The following PBX1 variants were observed in gnomAD, a reference collection of about 807,000 sequenced individuals.
The protein encoded by PBX1 is PBX homeobox 1.
PBX1 carries 6 observed loss-of-function variants against 53.4 expected under a neutral mutation model. That is an observed-to-expected ratio of 0.11 (90% CI 0.06 to 0.22). The LOEUF (loss-of-function observed/expected upper bound fraction) is 0.22, where lower values mean the gene tolerates loss of function less well. Ranked by LOEUF, PBX1 falls within the 10% of genes least tolerant of loss-of-function variation. PBX1 has a pLI of 1.00. For synonymous variants in PBX1, 204 were observed against 212.3 expected (o/e 0.96, Z 0.34); for missense variants, 251 against 551.4 (o/e 0.46, Z 5.46).
chr1:164,791,520 A>G, intron 2 of PBX1, among the ~76,000 whole-genome samples: 1 of 152,070 alleles, frequency 6.6e-6, no homozygotes, highest in East Asian at 1.9e-4. Flanking sequence ...GCTATGTTAG[A>G]CCTCACTCTC....
At chr1:164,720,271 G>A (rs926001582) in intron 2 of PBX1, among the ~76,000 whole-genome samples, 6 of 152,086 alleles carry the variant, frequency 3.9e-5, no homozygotes, top group African/African-American at 1.4e-4. Flanking sequence ...ACAGTCCTGT[G>A]GGTTTAATGA....
chr1:164,592,198 G>A (rs192354207), intron 2 of PBX1, among the ~76,000 whole-genome samples: 11 of 152,258 alleles, frequency 7.2e-5, no homozygotes, highest in African/African-American at 2.4e-4. Context: ...GAGCAACAGC[G>A]ATTCTTTCCT....
intron 2 of PBX1, among the ~76,000 whole-genome samples, chr1:164,642,369 A>T (rs573456743): frequency 5.3e-5 from 8 of 152,070 alleles, no homozygotes; most frequent in South Asian, 2.1e-4. Flanking sequence ...ATATTTGACC[A>T]CTCTCACCAA....
chr1:164,677,291 A>T (rs866712991), intron 2 of PBX1, among the ~76,000 whole-genome samples: 6 of 150,616 alleles, frequency 4.0e-5, no homozygotes, highest in South Asian at 4.2e-4. Flanking sequence ...ACGGGGTTTC[A>T]CCTTGTTAGC....
At chr1:164,825,016 T>G (rs12134242) in intron 8 of PBX1, among the ~76,000 whole-genome samples, 3 of 152,058 alleles carry the variant, frequency 2.0e-5, no homozygotes, top group African/African-American at 7.3e-5. Context: ...GCTCAAACCC[T>G]GAGTACGACA....
intron 2 of PBX1, among the ~76,000 whole-genome samples, chr1:164,777,897 G>A (rs1404070486): frequency 1.3e-5 from 2 of 152,204 alleles, no homozygotes; most frequent in Non-Finnish European, 2.9e-5. Flanking sequence ...ACTTTAGGCT[G>A]AAATGACTCC....
At chr1:164,670,188 C>A (rs1049095514) in intron 2 of PBX1, among the ~76,000 whole-genome samples, 1 of 152,214 alleles carries the variant, frequency 6.6e-6, no homozygotes, top group Non-Finnish European at 1.5e-5. Context: ...TTTACACCCT[C>A]AGGGAGGTCC....
chr1:164,746,914 G>A (rs937499244), intron 2 of PBX1, among the ~76,000 whole-genome samples: 10 of 152,242 alleles, frequency 6.6e-5, no homozygotes, highest in African/African-American at 2.4e-4. Flanking sequence ...AGGGCCATTT[G>A]GGCCTCTTTT....
chr1:164,688,575 T>C (rs1309367742), intron 2 of PBX1, among the ~76,000 whole-genome samples: 3 of 152,110 alleles, frequency 2.0e-5, no homozygotes, highest in African/African-American at 7.2e-5. Context: ...AGCCATGAGG[T>C]AGCTGGAAAC....
At chr1:164,600,219 A>G (rs892941372) in intron 2 of PBX1, among the ~76,000 whole-genome samples, 1 of 150,504 alleles carries the variant, frequency 6.6e-6, no homozygotes, top group Non-Finnish European at 1.5e-5. Flanking sequence ...AATAATGAAA[A>G]TATTAAGAGC....
intron 4 of PBX1, among the ~76,000 whole-genome samples, chr1:164,806,926 C>T (rs1245268823): frequency 6.6e-6 from 1 of 152,140 alleles, no homozygotes; most frequent in Admixed American, 6.5e-5. Flanking sequence ...AGAAGCTGAT[C>T]GAAATCACCC....
At chr1:164,645,813 A>T (rs907507588) in intron 2 of PBX1, among the ~76,000 whole-genome samples, 1 of 152,240 alleles carries the variant, frequency 6.6e-6, no homozygotes, top group Admixed American at 6.5e-5. Flanking sequence ...GTCCTGAATT[A>T]AAGTTTTTCA....
At chr1:164,870,254 CTTCCTTCCTTCCTTCTTTCT>C (rs1672325300) in intron 2 of PBX1, among the ~76,000 whole-genome samples, 2 of 64,684 alleles carry the variant, frequency 3.1e-5, no homozygotes, top group African/African-American at 1.3e-4. Flanking sequence ...TCCTTCCTTC[CTTCCTTCCTTCCTTCTTTCT>C]TTCTTTCTTT....
At chr1:164,801,302 C>T (rs1030323430) in intron 4 of PBX1, among the ~76,000 whole-genome samples, 10 of 152,152 alleles carry the variant, frequency 6.6e-5, no homozygotes, top group East Asian at 1.9e-4. Context: ...TAATGCAGCC[C>T]GTTCTGCGTA....
At chr1:164,683,733 C>T (rs556000612) in intron 2 of PBX1, 17 of 140,420 alleles carry the variant, frequency 1.2e-4, no homozygotes, top group African/African-American at 4.4e-4. Context: ...TTGAGATGTG[C>T]TTGTGTTGTG....
chr1:164,877,267 A>C (rs1430791340), intron 2 of PBX1, among the ~76,000 whole-genome samples: 1 of 151,846 alleles, frequency 6.6e-6, no homozygotes, highest in African/African-American at 2.4e-5. Context: ...AAAAAAAAAA[A>C]CCCAAACCAA....
chr1:164,580,371 C>T (rs371996933), intron 2 of PBX1, among the ~76,000 whole-genome samples: 43 of 152,230 alleles, frequency 2.8e-4, no homozygotes, highest in Admixed American at 8.5e-4. Flanking sequence ...CTCCGCCTCC[C>T]GGGTTCAAGC....
intron 3 of PBX1, 53 bp from the exon 4 acceptor site, chr1:164,799,646 G>A: frequency 6.5e-7 from 1 of 1,530,644 alleles, no homozygotes; most frequent in Non-Finnish European, 8.9e-7. Flanking sequence ...TAGACTTGAT[G>A]CGTGTTGAGG....
At chr1:164,785,748 G>A (rs1304307488) in intron 2 of PBX1, among the ~76,000 whole-genome samples, 2 of 152,196 alleles carry the variant, frequency 1.3e-5, no homozygotes, top group Non-Finnish European at 1.5e-5. Flanking sequence ...TGCACTGAGC[G>A]TTCCTCAGAG....
Sources: allele counts gnomAD v4.1 joint callset (sites outside exome capture counted in the v4.1 genomes callset), GRCh38; gene constraint gnomAD v4.1.1; transcripts MANE v1.5; gene names NCBI Gene and HGNC (gene_info 2026-07-23, HGNC 2026-07-21).